Variants in MELTF observed in about 807,000 individuals in gnomAD.
MELTF encodes melanotransferrin, also known as antigen p97 (melanoma associated) identified by monoclonal antibodies 133.2 and 96.5.
Under a neutral mutation model 83.7 loss-of-function variants are expected in MELTF, and 67 were observed. That is an observed-to-expected ratio of 0.80 (90% confidence interval 0.66 to 0.98). MELTF has a LOEUF of 0.98. Among genes scored for constraint, MELTF ranks in the 50% least tolerant of loss-of-function variants. The pLI is 0.00. For synonymous variants in MELTF, 462 were observed against 447.6 expected (o/e 1.03, Z -0.41); for missense variants, 1,002 against 1,035.6 (o/e 0.97, Z 0.44).
chr3:197,027,457 C>T (rs936523888), intron 2 of MELTF, among the ~76,000 whole-genome samples: 2 of 152,250 alleles, frequency 1.3e-5, no homozygotes, highest in South Asian at 2.1e-4. Context: ...TAACCGCCTG[C>T]GGCCACTGAG....
chr3:197,006,629 C>T lies in MELTF; in HGVS notation c.1858G>A (p.Ala620Thr). ...EVSQFAACNL[A>T]QIPPHAVMVR... ...ATCACGGCGTGGGGTGGTATCTGTG[C>T]CAGGTTGCAGGCTGCAAACTGGGAC... The change falls in exon 14 of 16, where the codon GCA (alanine) becomes ACA (threonine). Residue 620 changes from alanine to threonine, a missense_variant. Coordinates refer to ENST00000296350, the MANE Select transcript of MELTF (RefSeq NM_005929.6). The surrounding 1 kb of genome is among the most constrained non-coding windows in gnomAD (Gnocchi z 5.4). 6.2e-7 allele frequency: 1 copy of T among 1,612,532 alleles called. No homozygotes were observed. The highest frequency in any genetic ancestry group is 8.5e-7 in the Non-Finnish European group (1 of 1,179,198).
In MELTF at chr3:197,009,671, C is replaced by T. The variant is rs1278271274; in HGVS notation, c.1472G>A (p.Gly491Asp). The change falls in exon 11 of 16, where the codon GGT becomes GAT. Residue 491 changes from glycine to aspartate, a missense_variant. By Grantham distance (94) the Gly-to-Asp change is moderately conservative. Coordinates refer to ENST00000296350, the MANE Select transcript of MELTF (RefSeq NM_005929.6). ...GATGAAGCCTCTCTGAATAAGGGCA[C>T]CCACGGGGACATCCCAGCCTGCAGG... ...GSPAGWDVPV[G>D]ALIQRGFIRP... 6.2e-7 allele frequency: 1 copy of T among 1,613,866 alleles called. No individual in the cohort carries two copies. The highest frequency in any genetic ancestry group is 8.5e-7 in the Non-Finnish European group (1 of 1,180,018).
intron 7 of MELTF, 54 bp downstream of exon 7, chr3:197,017,049 A>T: frequency 6.3e-7 from 1 of 1,575,358 alleles, no homozygotes. Flanking sequence ...AGCGACCACA[A>T]GGCCCGGCAC....
rs887627154 is a variant in MELTF at position 197,007,394 on chromosome 3, G to C, written c.1751-658C>G. Among the ~76,000 whole-genome samples the C allele has an allele frequency of 6.6e-6, 1 of 152,172 alleles. No homozygotes were observed. Among genetic ancestry groups the C allele is most frequent in the Admixed American group, 6.5e-5 (1 of 15,286 alleles). On this transcript the variant is annotated intron_variant, in intron 13 of 15. Transcript: ENST00000296350. The surrounding 1 kb of genome is among the most constrained non-coding windows in gnomAD (Gnocchi z 4.3). ...TTTCATGTCTCTGTGCATTCACTTA[G>C]TATCCATCCTCCTCCCATTTCCAGG...
intron 6 of MELTF, chr3:197,019,261 C>T: frequency 9.8e-7 from 1 of 1,025,490 alleles, no homozygotes; most frequent in Non-Finnish European, 1.2e-6. Flanking sequence ...TTTGCCTTCC[C>T]ACAGACAAAG....
intron 1 of MELTF, 29 bp from the exon 2 acceptor site, chr3:197,027,939 TC>T: frequency 3.3e-6 from 5 of 1,526,938 alleles, no homozygotes; most frequent in South Asian, 1.2e-5. Flanking sequence ...GAGGCCCGGC[TC>T]CCCCGCCCTG....
chr3:197,011,513 C>G lies in MELTF; in HGVS notation c.1234-719G>C, dbSNP rs528023. Among the ~76,000 whole-genome samples, 152,165 of 152,326 alleles carry G rather than the reference C, an allele frequency of 1. 76,002 individuals carry two copies. The highest frequency in any genetic ancestry group is 1 in the Middle Eastern group (294 of 294). On this transcript the variant is annotated intron_variant, in intron 9 of 15. Transcript: ENST00000296350. This position sits in a 1 kb window ranked among gnomAD's most constrained non-coding sequence, Gnocchi z 4.2. ...GACAGTGTGACAGTGGGGGAGAGTG[C>G]GGACACCTGTGCCCCAGGAAGGTGT... is the stretch of plus-strand genomic sequence containing the variant.
rs755344879 is a variant in MELTF, at chr3:197,027,766, T to C, written c.194A>G (p.Gln65Arg). The C allele has an allele frequency of 1.2e-6, 2 of 1,609,890 alleles. No individual in the cohort carries two copies. The highest frequency in any genetic ancestry group is 1.1e-5 in the South Asian group (1 of 90,616). Residue 65 changes from glutamine (Q) to arginine (R), a missense_variant, in exon 2 of 16, where the codon CAG becomes CGG. Coordinates refer to ENST00000296350, the MANE Select transcript of MELTF (RefSeq NM_005929.6). The part of the protein sequence containing the change: ...VRGTSADHCV[Q>R]LIAAQEADAI... Reference sequence around the variant, plus strand: ...AGGGAGAGGACTCACCGCGATGAGCTGGACGCAGTGGTCGGCGGAGGTGCC... The same window carrying C: ...AGGGAGAGGACTCACCGCGATGAGCCGGACGCAGTGGTCGGCGGAGGTGCC...
chr3:197,015,031 G>A (rs943822907), intron 9 of MELTF, among the ~76,000 whole-genome samples: 1 of 152,244 alleles, frequency 6.6e-6, no homozygotes, highest in Admixed American at 6.5e-5. Context: ...GCTTGCCCCA[G>A]GCTACAGGGC....
Position 197,006,052 on chromosome 3 carries a change from C to T in MELTF, c.1938+497G>A, listed in dbSNP as rs866794962. Among the ~76,000 whole-genome samples, 116 of 152,204 alleles carry T rather than the reference C, an allele frequency of 7.6e-4. 1 individual carries two copies. Among genetic ancestry groups the T allele is most frequent in the African/African-American group, 2.5e-3 (105 of 41,524 alleles). On this transcript the variant is annotated intron_variant, in intron 14 of 15. Transcript: ENST00000296350. This position sits in a 1 kb window ranked among gnomAD's most constrained non-coding sequence, Gnocchi z 5.4. ...TGGCTAACACGGTGAAACCCCTTCT[C>T]TACTAAAAAATAGAAAAAATTAGCC...
chr3:197,005,661 G>C lies in MELTF; in HGVS notation c.1938+888C>G, dbSNP rs932226485. 2.6e-5 allele frequency among the ~76,000 whole-genome samples: 4 copies of C among 152,348 alleles called. No homozygotes were observed. In the South Asian group the frequency reaches 8.3e-4, roughly 32 times the overall value. ...TCTGCAGGGGAAGGTGTTTCCAGGA[G>C]GAGGGAGAGCTGTGGCCAGTGCCAC... On this transcript the variant is annotated intron_variant, in intron 14 of 15. Transcript: ENST00000296350.
Position 197,016,238 on chromosome 3 carries a change from C to A in MELTF, c.1032G>T (p.Leu344=). The A allele has an allele frequency of 6.2e-7, 1 of 1,602,924 alleles. No individual in the cohort carries two copies. Among genetic ancestry groups the A allele is most frequent in the Non-Finnish European group, 8.5e-7 (1 of 1,174,770 alleles). Residue 344 remains leucine (L), a synonymous_variant, in exon 8 of 16, where the codon CTG becomes CTT. Coordinates refer to ENST00000296350, the MANE Select transcript of MELTF (RefSeq NM_005929.6). ...PIATQTYEAW[L]GHEYLHAMKG... Reference sequence around the variant, plus strand: ...TCATGGCGTGCAGGTACTCATGGCCCAGCCACGCCTCATAGGTCTGTGTGG... The same window carrying A: ...TCATGGCGTGCAGGTACTCATGGCCAAGCCACGCCTCATAGGTCTGTGTGG...
At position 197,007,204 on chromosome 3, in the gene MELTF, A is replaced by G. The variant is rs910447688; in HGVS notation, c.1751-468T>C. On this transcript the variant is annotated intron_variant, in intron 13 of 15. Transcript: ENST00000296350. This position sits in a 1 kb window ranked among gnomAD's most constrained non-coding sequence, Gnocchi z 4.3. ...CTCAAATGGAACAGGGTATAGCATC[A>G]CTTGTGGATGCAGAAGGCAGCTTCA... is the stretch of plus-strand genomic sequence containing the variant. Among the ~76,000 whole-genome samples the G allele has an allele frequency of 6.6e-6, 1 of 152,112 alleles. No homozygotes were observed. Among genetic ancestry groups the G allele is most frequent in the Non-Finnish European group, 1.5e-5 (1 of 68,010 alleles).
chr3:197,005,997 G>C (rs1387328028), intron 14 of MELTF, among the ~76,000 whole-genome samples: 2 of 152,166 alleles, frequency 1.3e-5, no homozygotes, highest in African/African-American at 4.8e-5. Context: ...GAGGTGGGCG[G>C]ATCACGAGGT....
chr3:197,022,376 G>A lies in MELTF; in HGVS notation c.644+581C>T, dbSNP rs1719658283. Among the ~76,000 whole-genome samples, 1 of 152,288 alleles carries A rather than the reference G, an allele frequency of 6.6e-6. No individual in the cohort carries two copies. The highest frequency in any genetic ancestry group is 1.9e-4 in the East Asian group (1 of 5,186). ...GAGGACTGTTTCTTCTCTCTAAGCC[G>A]AAAACCGCATCCAGTCAGATAACAT... is the stretch of plus-strand genomic sequence containing the variant. On this transcript the variant is annotated intron_variant, in intron 5 of 15. Transcript: ENST00000296350. The surrounding 1 kb of genome is among the most constrained non-coding windows in gnomAD (Gnocchi z 5.1).
rs188197737 is a variant in MELTF at position 197,027,662 on chromosome 3, G to A, written c.204+94C>T. The A allele has an allele frequency of 4.2e-3, 5,961 of 1,418,634 alleles. 21 individuals are homozygous for A. Among genetic ancestry groups the A allele is most frequent in the Non-Finnish European group, 4.9e-3 (5,122 of 1,052,026 alleles). 87.9% of individuals were successfully genotyped at this position (1,418,634 alleles called of 1,614,324 possible). A position where few individuals can be genotyped will look rare whatever the true frequency, so the allele number is the denominator to read the frequency against. ...TCCTATCGGCCGGGCCTGGCAGGGC[G>A]AGGTCGGCTCCTTTCCTGGTGAATG... On this transcript the variant is annotated intron_variant, in intron 2 of 15. Coordinates refer to ENST00000296350, the MANE Select transcript of MELTF (RefSeq NM_005929.6).
chr3:197,027,641 A>C, intron 2 of MELTF, 115 bp downstream of exon 2: 1 of 1,303,786 alleles, frequency 7.7e-7, no homozygotes, highest in Non-Finnish European at 1.0e-6. Flanking sequence ...GGGAGATCCT[A>C]TCGGCCGGGC....
intron 6 of MELTF, among the ~76,000 whole-genome samples, chr3:197,018,122 A>G (rs1232256956): frequency 6.6e-6 from 1 of 151,902 alleles, no homozygotes; most frequent in Non-Finnish European, 1.5e-5. Flanking sequence ...CCTTTTTTCT[A>G]TTTTATTTCC....
At chr3:197,028,026 AG>A in intron 1 of MELTF, 116 bp from the exon 2 acceptor site, 1 of 1,251,020 alleles carries the variant, frequency 8.0e-7, no homozygotes, top group Non-Finnish European at 1.1e-6. Flanking sequence ...CCAGTCCTCT[AG>A]GGCAGCCCTG....
Sources: allele counts gnomAD v4.1 joint callset (sites outside exome capture counted in the v4.1 genomes callset), GRCh38; gene constraint gnomAD v4.1.1; non-coding constraint Gnocchi (gnomAD v3.1); transcripts MANE v1.5; gene names NCBI Gene and HGNC (gene_info 2026-07-23, HGNC 2026-07-21).